Variants in CSRNP3 observed in about 807,000 individuals in gnomAD.
The protein encoded by CSRNP3 is cysteine/serine-rich nuclear protein 3.
In CSRNP3, 12 loss-of-function variants were observed where a neutral mutation model predicts 48.0. The observed-to-expected ratio is 0.25, with a 90% CI of 0.16 to 0.41. The LOEUF is 0.41. Ranked by LOEUF, CSRNP3 falls within the 10% of genes least tolerant of loss-of-function variation. CSRNP3 has a pLI of 1.00. For missense variants in CSRNP3, 580 were observed against 724.4 expected (o/e 0.80, Z 2.29); for synonymous variants, 263 against 269.7 (o/e 0.98, Z 0.24).
intron 4 of CSRNP3, among the ~76,000 whole-genome samples, chr2:165,614,750 T>A (rs76456260): frequency 0.019 from 2,940 of 152,282 alleles, 87 homozygotes; most frequent in African/African-American, 0.065. Context: ...TGTGTGTTGA[T>A]GTGTTTACAT....
At chr2:165,664,816 G>A (rs867787402) in intron 5 of CSRNP3, among the ~76,000 whole-genome samples, 3 of 151,144 alleles carry the variant, frequency 2.0e-5, no homozygotes, top group Admixed American at 1.3e-4. Context: ...ATTTTTTTTT[G>A]TTCTTAGTAA....
intron 4 of CSRNP3, among the ~76,000 whole-genome samples, chr2:165,618,447 G>A (rs2105316278): frequency 6.6e-6 from 1 of 152,246 alleles, no homozygotes; most frequent in African/African-American, 2.4e-5. Context: ...AGCTGTCATT[G>A]TCATCAATAT....
chr2:165,492,518 C>A (rs1469360638), intron 1 of CSRNP3, among the ~76,000 whole-genome samples: 4 of 151,998 alleles, frequency 2.6e-5, no homozygotes, highest in Non-Finnish European at 5.9e-5. Flanking sequence ...GTTATTACCT[C>A]TTGGTGGAGT....
rs972345167 is a variant in CSRNP3 at position 165,571,173 on chromosome 2, C to A, written c.-23-23870C>A. Among the ~76,000 whole-genome samples, 17 of 151,850 alleles carry A rather than the reference C, an allele frequency of 1.1e-4. No homozygotes were observed. The South Asian group carries it at 3.5e-3, about 32-fold the overall frequency. ...ATTATTTATAAGTGCCGTTAAGTTA[C>A]TATATATCTAACTACTCAGAAAATT... On this transcript the variant is annotated intron_variant, in intron 3 of 6. Transcript: ENST00000651982.
intron 2 of CSRNP3, among the ~76,000 whole-genome samples, chr2:165,517,559 G>A (rs544499371): frequency 1.3e-5 from 2 of 151,950 alleles, no homozygotes; most frequent in Admixed American, 1.3e-4. Flanking sequence ...TAAGTCTAGT[G>A]TAATGCTGGT....
Position 165,657,651 on chromosome 2 carries a change from C to G in CSRNP3, c.149-110C>G. Reference sequence around the variant, plus strand: ...ATATAACAGTTTTAGAGTGCCCTAGCCAACAAGGGTTGGCCACAGATAGAT... The same window carrying G: ...ATATAACAGTTTTAGAGTGCCCTAGGCAACAAGGGTTGGCCACAGATAGAT... On this transcript the variant is annotated intron_variant, in intron 4 of 6. Coordinates refer to ENST00000651982, the MANE Select transcript of CSRNP3 (RefSeq NM_001172173.2). The G allele has an allele frequency of 2.2e-6, 3 of 1,336,382 alleles. No homozygotes were observed. In the South Asian group the frequency reaches 4.1e-5, roughly 18 times the overall value. The allele number at this position is 1,336,382 out of a possible 1,614,324, so 82.8% of individuals were successfully genotyped here. A position where few individuals can be genotyped will look rare whatever the true frequency, so the allele number is the denominator to read the frequency against.
intron 2 of CSRNP3, among the ~76,000 whole-genome samples, chr2:165,508,361 T>G (rs548371569): frequency 6.6e-6 from 1 of 152,198 alleles, no homozygotes; most frequent in Non-Finnish European, 1.5e-5. Context: ...TACTTTAAAA[T>G]TGACTTCCCT....
chr2:165,480,852 TA>T lies in CSRNP3; in HGVS notation c.-283+11117del, dbSNP rs1684031970. Among the ~76,000 whole-genome samples the T allele has an allele frequency of 2.0e-5, 3 of 147,314 alleles. No individual in the cohort carries two copies. In the South Asian group the frequency reaches 6.3e-4, roughly 31 times the overall value. The stretch of plus-strand genomic sequence containing the variant: ...ATAATATATATTTTATATATGTATA[TA>T]AAAATATAATGTTGGCTAGGTGCAG... On this transcript the variant is annotated intron_variant, in intron 1 of 6. Transcript: ENST00000651982.
Position 165,525,068 on chromosome 2 carries a change from C to G in CSRNP3, c.-24+7107C>G, listed in dbSNP as rs185932019. ...GCAAAGGATGAATATTCTCATTGCTCCATGCCTTCACTGACACTTGGTATT... is the reference window on the plus strand; with the variant it reads ...GCAAAGGATGAATATTCTCATTGCTGCATGCCTTCACTGACACTTGGTATT... On this transcript the variant is annotated intron_variant, in intron 3 of 6. Coordinates refer to ENST00000651982, the MANE Select transcript of CSRNP3 (RefSeq NM_001172173.2). Among the ~76,000 whole-genome samples, 5 of 152,288 alleles carry G rather than the reference C, an allele frequency of 3.3e-5. No individual in the cohort carries two copies. The East Asian group carries it at 7.7e-4, about 23-fold the overall frequency.
intron 5 of CSRNP3, among the ~76,000 whole-genome samples, chr2:165,663,665 A>G (rs1240750103): frequency 6.6e-6 from 1 of 152,190 alleles, no homozygotes; most frequent in African/African-American, 2.4e-5. Flanking sequence ...TAATTTAGGG[A>G]AGTCAATTGC....
chr2:165,665,746 G>A (rs1179967946), intron 5 of CSRNP3, among the ~76,000 whole-genome samples: 11 of 149,376 alleles, frequency 7.4e-5, no homozygotes, highest in African/African-American at 7.5e-5. Context: ...GGTCCCAGGC[G>A]ACAGAGTGAG....
intron 5 of CSRNP3, among the ~76,000 whole-genome samples, chr2:165,660,269 A>C (rs910629798): frequency 1.3e-5 from 2 of 152,222 alleles, no homozygotes; most frequent in African/African-American, 4.8e-5. Context: ...AACATGATTT[A>C]ATGTAATCCT....
chr2:165,676,616 T>C lies in CSRNP3; in HGVS notation c.705+8T>C. On this transcript the variant is annotated splice_region_variant and intron_variant, in intron 6 of 6. Transcript: ENST00000651982. The stretch of plus-strand genomic sequence containing the variant: ...GCTGGCATTAAGTGCCAGGTAAGGG[T>C]TGGGAATTCAGGGCATCCAAAGACA... The C allele has an allele frequency of 6.2e-7, 1 of 1,609,486 alleles. No homozygotes were observed. Among genetic ancestry groups the C allele is most frequent in the Non-Finnish European group, 8.5e-7 (1 of 1,176,292 alleles).
At chr2:165,605,591 ATAAT>A (rs1224082789) in intron 4 of CSRNP3, among the ~76,000 whole-genome samples, 5 of 152,204 alleles carry the variant, frequency 3.3e-5, no homozygotes, top group African/African-American at 1.2e-4. Flanking sequence ...ACATTCATAT[ATAAT>A]TAAAGTTTTC....
chr2:165,574,545 C>T, intron 3 of CSRNP3: 1 of 582,942 alleles, frequency 1.7e-6, no homozygotes, highest in East Asian at 3.2e-5. Context: ...TTTCAGGATT[C>T]CCTTAACTAG....
chr2:165,649,921 C>G (rs918595621), intron 4 of CSRNP3, among the ~76,000 whole-genome samples: 1 of 152,138 alleles, frequency 6.6e-6, no homozygotes, highest in Non-Finnish European at 1.5e-5. Context: ...TCCCCTACAT[C>G]ATGCCCATTG....
intron 2 of CSRNP3, among the ~76,000 whole-genome samples, chr2:165,499,545 G>A (rs139584051): frequency 6.6e-6 from 1 of 152,150 alleles, no homozygotes; most frequent in East Asian, 1.9e-4. Context: ...TTGTAAATAC[G>A]CTGGGAATGT....
At chr2:165,663,272 G>A (rs1379054617) in intron 5 of CSRNP3, among the ~76,000 whole-genome samples, 3 of 152,132 alleles carry the variant, frequency 2.0e-5, no homozygotes, top group Non-Finnish European at 4.4e-5. Context: ...TTCTTTATTA[G>A]ATGTGTCAGA....
In CSRNP3 at chr2:165,665,775, A is replaced by AAGAGAGAGAGAGAGAG. The variant is rs10645178; in HGVS notation, c.408+7767_408+7782dup. ...GAGTGAGATTCTGGGAAAAGAAAGAAAGAGAGAGAGAGAGAGAGAGAGAGA... is the reference window on the plus strand; with the variant it reads ...GAGTGAGATTCTGGGAAAAGAAAGAAAGAGAGAGAGAGAGAGAGAGAGAGAGAGAGAGAGAGAGAGA... On this transcript the variant is annotated intron_variant, in intron 5 of 6. Transcript: ENST00000651982. Among the ~76,000 whole-genome samples the AAGAGAGAGAGAGAGAG allele has an allele frequency of 8.2e-3, 1,073 of 131,156 alleles. 15 individuals carry two copies. Among genetic ancestry groups the AAGAGAGAGAGAGAGAG allele is most frequent in the African/African-American group, 0.027 (864 of 31,942 alleles). The allele number at this position is 131,156 out of a possible 152,430, so 86.0% of individuals were successfully genotyped here. A position where few individuals can be genotyped will look rare whatever the true frequency, so the allele number is the denominator to read the frequency against.
Sources: allele counts gnomAD v4.1 joint callset (sites outside exome capture counted in the v4.1 genomes callset), GRCh38; gene constraint gnomAD v4.1.1; transcripts MANE v1.5; gene names NCBI Gene and HGNC (gene_info 2026-07-23, HGNC 2026-07-21).